DENND1A: variants seen among roughly 807,000 people sequenced by gnomAD.
The protein encoded by DENND1A is DENN domain-containing protein 1A.
Under a neutral mutation model 113.7 loss-of-function variants are expected in DENND1A, and 51 were observed. That is an observed-to-expected ratio of 0.45 (90% CI 0.36 to 0.57). DENND1A has a LOEUF of 0.57. DENND1A is among the 20% of genes least tolerant of loss of function. DENND1A has a pLI of 0.00. For synonymous variants in DENND1A, 565 were observed against 570.8 expected, an observed-to-expected ratio of 0.99 and a Z score of 0.14; for missense variants, 1,258 against 1,395.9, an observed-to-expected ratio of 0.90 and a Z score of 1.57.
intron 5 of DENND1A, among the ~76,000 whole-genome samples, chr9:123,746,523 C>T (rs1190434193): frequency 6.6e-6 from 1 of 152,096 alleles, no homozygotes; most frequent in Non-Finnish European, 1.5e-5. Flanking sequence ...GGAATATTTG[C>T]AGAATATATA....
chr9:123,813,634 C>T (rs938764425), intron 2 of DENND1A, among the ~76,000 whole-genome samples: 4 of 151,526 alleles, frequency 2.6e-5, no homozygotes, highest in South Asian at 2.1e-4. Context: ...TACTTAGACC[C>T]GAAAAAAAAG....
At chr9:123,534,664 T>G (rs762768970) in intron 13 of DENND1A, among the ~76,000 whole-genome samples, 2 of 152,238 alleles carry the variant, frequency 1.3e-5, no homozygotes, top group Non-Finnish European at 2.9e-5. Context: ...TCCCGATTTT[T>G]GCTAATTGAA....
At chr9:123,419,847 T>A (rs60006202) in intron 19 of DENND1A, among the ~76,000 whole-genome samples, 1 of 152,174 alleles carries the variant, frequency 6.6e-6, no homozygotes, top group Non-Finnish European at 1.5e-5. Context: ...ATCCTCTCTG[T>A]CCGCCCTGGA....
chr9:123,768,495 A>G (rs1829193857), intron 4 of DENND1A, among the ~76,000 whole-genome samples: 1 of 152,170 alleles, frequency 6.6e-6, no homozygotes, highest in South Asian at 2.1e-4. Flanking sequence ...TACATGATAG[A>G]ATCTTCCTGA....
At chr9:123,507,014 A>T (rs2480454) in intron 13 of DENND1A, among the ~76,000 whole-genome samples, 1 of 152,076 alleles carries the variant, frequency 6.6e-6, no homozygotes, top group African/African-American at 2.4e-5. Flanking sequence ...GGTGAAACTC[A>T]GTCTCTACTA....
chr9:123,580,131 C>A (rs1175614051), intron 12 of DENND1A, among the ~76,000 whole-genome samples: 2 of 152,230 alleles, frequency 1.3e-5, no homozygotes, highest in African/African-American at 2.4e-5. Flanking sequence ...ATTTGATAAT[C>A]ATTACCATAG....
chr9:123,510,358 A>G (rs1564624200), intron 13 of DENND1A, among the ~76,000 whole-genome samples: 1 of 152,268 alleles, frequency 6.6e-6, no homozygotes, highest in Non-Finnish European at 1.5e-5. Flanking sequence ...GGAAATACAC[A>G]ATAGAATGAT....
At chr9:123,591,890 G>A (rs974938053) in intron 11 of DENND1A, among the ~76,000 whole-genome samples, 5 of 152,210 alleles carry the variant, frequency 3.3e-5, no homozygotes. Context: ...AATTAGTGTA[G>A]AATTAATTCA....
At chr9:123,851,162 C>T (rs192908854) in intron 2 of DENND1A, among the ~76,000 whole-genome samples, 7 of 152,318 alleles carry the variant, frequency 4.6e-5, no homozygotes, top group African/African-American at 1.2e-4. Context: ...TGTGCTCCTC[C>T]GTAATCTATC....
chr9:123,487,526 G>A (rs1364692566), intron 13 of DENND1A, among the ~76,000 whole-genome samples: 1 of 152,178 alleles, frequency 6.6e-6, no homozygotes, highest in Non-Finnish European at 1.5e-5. Flanking sequence ...AGACCAATGC[G>A]CATGGCCCCC....
At chr9:123,675,552 C>T (rs989431459) in intron 6 of DENND1A, among the ~76,000 whole-genome samples, 1 of 152,062 alleles carries the variant, frequency 6.6e-6, no homozygotes, top group Non-Finnish European at 1.5e-5. Context: ...GGAAATTTTT[C>T]CTTAACGTTT....
intron 5 of DENND1A, among the ~76,000 whole-genome samples, chr9:123,728,498 A>AAAAAC (rs2067900905): frequency 6.9e-6 from 1 of 145,694 alleles, no homozygotes; most frequent in Non-Finnish European, 1.5e-5. Context: ...AAAAAAAAAA[A>AAAAAC]AAAAAAAAAA....
intron 8 of DENND1A, among the ~76,000 whole-genome samples, chr9:123,665,617 T>C (rs2063455922): frequency 6.6e-6 from 1 of 152,202 alleles, no homozygotes. Context: ...TTGGAAAAAT[T>C]TCCTTTCTGT....
chr9:123,545,332 G>A (rs1253463178), intron 13 of DENND1A, among the ~76,000 whole-genome samples: 2 of 152,078 alleles, frequency 1.3e-5, no homozygotes, highest in African/African-American at 4.8e-5. Context: ...ATATATCCAA[G>A]AACTGAGGGT....
rs912471307 is a variant in DENND1A at position 123,387,878 on chromosome 9, A to G, written c.1632-20T>C. The stretch of plus-strand genomic sequence containing the variant: ...ACCAGGCTGGGGCAGAGGAAGACAA[A>G]AGAGAAGAGAACAGGCAGTTAGGGG... On this transcript the variant is annotated intron_variant, in intron 21 of 23. Transcript: ENST00000394215. 1.6e-6 allele frequency: 2 copies of G among 1,288,590 alleles called. No individual in the cohort carries two copies. Among genetic ancestry groups the G allele is most frequent in the Non-Finnish European group, 1.0e-6 (1 of 987,676 alleles). The allele number at this position is 1,288,590 out of a possible 1,614,324, so 79.8% of individuals were successfully genotyped here.
chr9:123,581,923 G>A (rs1286377440), intron 12 of DENND1A, among the ~76,000 whole-genome samples: 1 of 152,216 alleles, frequency 6.6e-6, no homozygotes, highest in Non-Finnish European at 1.5e-5. Context: ...TCACTGGCAT[G>A]GACAAGGGGA....
At position 123,450,761 on chromosome 9, in the gene DENND1A, ATTAAT is replaced by A. The variant is rs771584895; in HGVS notation, c.1300-17_1300-13del. The A allele has an allele frequency of 2.5e-6, 4 of 1,607,618 alleles. No individual in the cohort carries two copies. Among genetic ancestry groups the A allele is most frequent in the African/African-American group, 1.3e-5 (1 of 74,620 alleles). ...GCATGATCTTTTGCCTGCATGAAAA[ATTAAT>A]TTAAGTTAAGATTCCCTTTCTGTTT... On this transcript the variant is annotated splice_polypyrimidine_tract_variant and intron_variant, in intron 17 of 23. Transcript: ENST00000394215.
chr9:123,758,949 C>T (rs1266688726), intron 4 of DENND1A, among the ~76,000 whole-genome samples: 2 of 151,958 alleles, frequency 1.3e-5, no homozygotes, highest in Admixed American at 6.6e-5. Flanking sequence ...TACAGGTGCC[C>T]GCCACCATGC....
At chr9:123,424,567 T>C (rs1416276462) in intron 19 of DENND1A, among the ~76,000 whole-genome samples, 1 of 152,188 alleles carries the variant, frequency 6.6e-6, no homozygotes, top group African/African-American at 2.4e-5. Context: ...CCAGCATACA[T>C]ATTCCCAGCT....
Sources: gnomAD v4.1 joint callset for allele counts (sites outside exome capture counted in the v4.1 genomes callset) on GRCh38, gnomAD v4.1.1 for gene constraint, MANE v1.5 for transcripts, NCBI Gene and HGNC (gene_info 2026-07-23, HGNC 2026-07-21) for gene names.